Variants in CTNNA1 observed in about 807,000 individuals in gnomAD.
CTNNA1 encodes catenin alpha-1.
A neutral mutation model predicts 98.4 loss-of-function variants in CTNNA1; 37 were observed. That is an observed-to-expected ratio of 0.38 (90% CI 0.29 to 0.49). The LOEUF (loss-of-function observed/expected upper bound fraction) is 0.49. Among genes scored for constraint, CTNNA1 ranks in the 20% least tolerant of loss-of-function variants. CTNNA1 has a pLI of 0.95. For missense variants in CTNNA1, 761 were observed against 1,147.2 expected (o/e 0.66, Z 4.86); for synonymous variants, 404 against 413.2 (o/e 0.98, Z 0.27).
chr5:138,886,773 A>C (rs1293655819), intron 8 of CTNNA1, among the ~76,000 whole-genome samples: 1 of 152,180 alleles, frequency 6.6e-6, no homozygotes, highest in Non-Finnish European at 1.5e-5. Flanking sequence ...GTAAATACAG[A>C]GTAGAGAAAT....
chr5:138,899,182 G>A (rs1402962027), intron 9 of CTNNA1, among the ~76,000 whole-genome samples: 1 of 152,100 alleles, frequency 6.6e-6, no homozygotes, highest in Non-Finnish European at 1.5e-5. Context: ...TCTTGCCCAA[G>A]ACGGCTCATT....
intron 7 of CTNNA1, among the ~76,000 whole-genome samples, chr5:138,878,050 T>C (rs2149967775): frequency 6.6e-6 from 1 of 152,326 alleles, no homozygotes. Context: ...ACTTAAATTA[T>C]ATTATCTCAG....
At chr5:138,826,022 A>C (rs182954056) in intron 6 of CTNNA1, among the ~76,000 whole-genome samples, 1 of 152,298 alleles carries the variant, frequency 6.6e-6, no homozygotes, top group African/African-American at 2.4e-5. Flanking sequence ...GGTTTGTGCT[A>C]AATGATCTCA....
intron 1 of CTNNA1, among the ~76,000 whole-genome samples, chr5:138,776,190 G>A (rs540487005): frequency 6.3e-4 from 96 of 151,920 alleles, no homozygotes; most frequent in Non-Finnish European, 1.1e-3. Context: ...AGGACCCTGC[G>A]GCCTTCCGCA....
chr5:138,836,958 C>A (rs1222047697), intron 7 of CTNNA1, among the ~76,000 whole-genome samples: 2 of 152,074 alleles, frequency 1.3e-5, no homozygotes, highest in African/African-American at 2.4e-5. Context: ...AAAACTTAGA[C>A]CGTTAGATTT....
chr5:138,832,275 C>T (rs1345353689), intron 7 of CTNNA1, among the ~76,000 whole-genome samples: 1 of 152,156 alleles, frequency 6.6e-6, no homozygotes, highest in Non-Finnish European at 1.5e-5. Context: ...GAAATATTGA[C>T]ATAAAAGTAA....
At chr5:138,883,963 G>A (rs1753490941) in intron 7 of CTNNA1, among the ~76,000 whole-genome samples, 1 of 152,222 alleles carries the variant, frequency 6.6e-6, no homozygotes, top group Non-Finnish European at 1.5e-5. Context: ...CAACAAGAAA[G>A]AGTCAAACTC....
intron 5 of CTNNA1, among the ~76,000 whole-genome samples, chr5:138,814,424 T>A (rs1759195260): frequency 6.6e-6 from 1 of 152,210 alleles, no homozygotes. Context: ...CTCCATCATA[T>A]AAATTATAAG....
At chr5:138,888,333 T>C (rs1228964800) in intron 9 of CTNNA1, among the ~76,000 whole-genome samples, 1 of 152,226 alleles carries the variant, frequency 6.6e-6, no homozygotes, top group African/African-American at 2.4e-5. Context: ...AATTTATTCA[T>C]TATTGCTGTA....
At chr5:138,782,364 C>G (rs762870557) in intron 2 of CTNNA1, 26 of 462,754 alleles carry the variant, frequency 5.6e-5, no homozygotes, top group African/African-American at 3.2e-4. Context: ...GTCTCTCACT[C>G]TGCTTAACAC....
chr5:138,763,317 C>T (rs1231855219), intron 1 of CTNNA1, among the ~76,000 whole-genome samples: 1 of 152,120 alleles, frequency 6.6e-6, no homozygotes, highest in Non-Finnish European at 1.5e-5. Context: ...TTGCCCTGTG[C>T]GGCTCTGTTA....
chr5:138,897,902 A>G (rs914879096), intron 9 of CTNNA1, among the ~76,000 whole-genome samples: 4 of 152,316 alleles, frequency 2.6e-5, no homozygotes, highest in African/African-American at 4.8e-5. Flanking sequence ...CTCTTGGAGC[A>G]TTGGTAGGCA....
intron 14 of CTNNA1, among the ~76,000 whole-genome samples, chr5:138,929,801 T>G (rs550103912): frequency 6.6e-6 from 1 of 152,216 alleles, no homozygotes; most frequent in African/African-American, 2.4e-5. Context: ...AAATCTTCAA[T>G]CAATAGCATT....
At chr5:138,933,745 T>C (rs1765948420) in intron 17 of CTNNA1, 57 bp from the exon 18 acceptor site, 1 of 1,570,236 alleles carries the variant, frequency 6.4e-7, no homozygotes, top group Admixed American at 1.7e-5. Flanking sequence ...AGCCCACCTG[T>C]GTCCACGAGG....
chr5:138,768,550 C>T (rs950702341), intron 1 of CTNNA1, among the ~76,000 whole-genome samples: 6 of 143,654 alleles, frequency 4.2e-5, no homozygotes, highest in Non-Finnish European at 9.0e-5. Context: ...CATGAGACAA[C>T]GGTGTCTGTT....
At chr5:138,917,056 A>T (rs1414808985) in intron 10 of CTNNA1, among the ~76,000 whole-genome samples, 2 of 152,220 alleles carry the variant, frequency 1.3e-5, no homozygotes, top group African/African-American at 4.8e-5. Context: ...TACAGGCGTG[A>T]GCCACCACAC....
chr5:138,791,615 CAAAAAAAAAAAAAAAAAAA>C (rs1181055311), intron 3 of CTNNA1, among the ~76,000 whole-genome samples: 1 of 40,310 alleles, frequency 2.5e-5, no homozygotes, highest in African/African-American at 1.1e-4. Flanking sequence ...GACTCCGTCT[CAAAAAAAAAAAAAAAAAAA>C]AAAAAAAAGG....
intron 7 of CTNNA1, among the ~76,000 whole-genome samples, chr5:138,883,359 GTAAA>G (rs1753354703): frequency 6.6e-6 from 1 of 152,198 alleles, no homozygotes; most frequent in Admixed American, 6.5e-5. Flanking sequence ...AAAGGGCTTA[GTAAA>G]TAACTGCTCC....
In CTNNA1 at chr5:138,934,325, A is replaced by AAAT; in HGVS notation, c.*237_*239dup. 1 of 510,504 alleles carries AAAT rather than the reference A, an allele frequency of 2.0e-6. No individual in the cohort carries two copies. The allele number at this position is 510,504 out of a possible 1,614,324, so 31.6% of individuals were successfully genotyped here. ...TTTTTGTATGCTTAAATAAAAATAA[A>AAAT]AATTCATAACCAAAGAGAATCCCAC... On this transcript the variant is annotated 3_prime_UTR_variant, in exon 18 of 18. Coordinates refer to ENST00000302763, the MANE Select transcript of CTNNA1 (RefSeq NM_001903.5).
Sources: allele counts gnomAD v4.1 joint callset (sites outside exome capture counted in the v4.1 genomes callset), GRCh38; gene constraint gnomAD v4.1.1; transcripts MANE v1.5; gene names NCBI Gene and HGNC (gene_info 2026-07-23, HGNC 2026-07-21).